MYO3B: variants seen among roughly 807,000 people sequenced by gnomAD.
The protein encoded by MYO3B is myosin-IIIb.
A neutral mutation model predicts 174.6 loss-of-function variants in MYO3B; 156 were observed. The ratio of observed to expected loss-of-function variants is 0.89; its 90% CI spans 0.78 to 1.02. MYO3B has a LOEUF of 1.02. Among genes scored for constraint, MYO3B ranks in the 50% least tolerant of loss-of-function variants. The pLI is 0.00. For missense variants in MYO3B, 1,632 were observed against 1,639.4 expected (o/e 1.00, Z 0.08); for synonymous variants, 563 against 569.1 (o/e 0.99, Z 0.15).
At chr2:170,239,689 TAC>T (rs1553569031) in intron 7 of MYO3B, among the ~76,000 whole-genome samples, 1 of 152,182 alleles carries the variant, frequency 6.6e-6, no homozygotes, top group Non-Finnish European at 1.5e-5. Context: ...TTCCCTGCAG[TAC>T]ACAATTCAAA....
chr2:170,252,752 C>A (rs1156945636), intron 7 of MYO3B, among the ~76,000 whole-genome samples: 1 of 152,062 alleles, frequency 6.6e-6, no homozygotes, highest in African/African-American at 2.4e-5. Flanking sequence ...ATATAATGTG[C>A]TGAGAGAAGG....
intron 1 of MYO3B, 68 bp from the exon 2 acceptor site, chr2:170,199,140 T>G: frequency 2.7e-6 from 3 of 1,094,634 alleles, no homozygotes; most frequent in Non-Finnish European, 3.8e-6. Context: ...AAAAATCTTT[T>G]TGTTTCAAAA....
chr2:170,488,469 G>GT (rs1188290474), intron 25 of MYO3B, among the ~76,000 whole-genome samples: 2 of 151,258 alleles, frequency 1.3e-5, no homozygotes, highest in Admixed American at 1.3e-4. Context: ...TCTTTCCCTT[G>GT]TTAAAAAAAA....
chr2:170,587,770 A>G (rs1389038222), intron 32 of MYO3B, among the ~76,000 whole-genome samples: 2 of 152,226 alleles, frequency 1.3e-5, no homozygotes, highest in Non-Finnish European at 2.9e-5. Context: ...TGTTGAATTT[A>G]CTGTTAGCTG....
intron 7 of MYO3B, among the ~76,000 whole-genome samples, chr2:170,320,556 A>G (rs1559384693): frequency 1.3e-5 from 2 of 152,194 alleles, no homozygotes; most frequent in Admixed American, 6.5e-5. Flanking sequence ...TTTCATGGGC[A>G]CTTGAAAAGA....
chr2:170,337,495 G>A (rs4668242), intron 8 of MYO3B, among the ~76,000 whole-genome samples: 1 of 152,064 alleles, frequency 6.6e-6, no homozygotes, highest in South Asian at 2.1e-4. Context: ...TCAAGAGTAT[G>A]TTCGTAATCA....
intron 19 of MYO3B, among the ~76,000 whole-genome samples, chr2:170,403,800 A>G (rs555106948): frequency 6.6e-6 from 1 of 151,812 alleles, no homozygotes; most frequent in East Asian, 1.9e-4. Flanking sequence ...TCTCCCATCC[A>G]CTCTTGTTTC....
At chr2:170,492,833 G>T (rs73025039) in intron 25 of MYO3B, among the ~76,000 whole-genome samples, 1 of 152,092 alleles carries the variant, frequency 6.6e-6, no homozygotes, top group Non-Finnish European at 1.5e-5. Flanking sequence ...TATGTCCTTC[G>T]CAATCTTCTG....
chr2:170,544,135 A>G, intron 32 of MYO3B, 147 bp downstream of exon 32: 1 of 549,630 alleles, frequency 1.8e-6, no homozygotes, highest in South Asian at 2.3e-5. Context: ...TGCTGGATGT[A>G]AAACTTGTAT....
intron 32 of MYO3B, among the ~76,000 whole-genome samples, chr2:170,574,397 C>T (rs1692659140): frequency 6.6e-6 from 1 of 151,948 alleles, no homozygotes; most frequent in Non-Finnish European, 1.5e-5. Flanking sequence ...TTTCCTTTTG[C>T]CCAAGGTAAT....
chr2:170,179,117 G>T (rs2092366429), intron 1 of MYO3B, among the ~76,000 whole-genome samples: 1 of 152,084 alleles, frequency 6.6e-6, no homozygotes, highest in South Asian at 2.1e-4. Context: ...TAATGCATGG[G>T]GGGCTTAATA....
chr2:170,650,247 G>C (rs1698902400), intron 32 of MYO3B, among the ~76,000 whole-genome samples: 1 of 151,704 alleles, frequency 6.6e-6, no homozygotes. Flanking sequence ...TGGCCAGGCT[G>C]GGTTCTGATA....
intron 25 of MYO3B, among the ~76,000 whole-genome samples, chr2:170,467,815 CAAA>C (rs33945733): frequency 9.1e-6 from 1 of 110,392 alleles, no homozygotes; most frequent in Non-Finnish European, 1.8e-5. Flanking sequence ...AAAGATAAGG[CAAA>C]AAAAAAAAAA....
intron 25 of MYO3B, among the ~76,000 whole-genome samples, chr2:170,474,781 A>AAAAAAAAAAAAAAAAAAAAAAC (rs1685219534): frequency 7.4e-6 from 1 of 135,762 alleles, no homozygotes; most frequent in Admixed American, 7.5e-5. Context: ...AAAAAAAAAA[A>AAAAAAAAAAAAAAAAAAAAAAC]AAAGATAGGC....
intron 12 of MYO3B, among the ~76,000 whole-genome samples, chr2:170,384,901 A>C (rs1213773989): frequency 6.6e-6 from 1 of 152,190 alleles, no homozygotes; most frequent in African/African-American, 2.4e-5. Flanking sequence ...TTCCCACTTT[A>C]GATGCCAGCT....
rs193079113 is a variant in MYO3B, at chr2:170,416,418, G to A, written c.2650+8574G>A. 6.5e-3 allele frequency among the ~76,000 whole-genome samples: 987 copies of A among 150,756 alleles called. 8 individuals are homozygous for A. The highest frequency in any genetic ancestry group is 0.026 in the South Asian group (118 of 4,576). On this transcript the variant is annotated intron_variant, in intron 22 of 34. Transcript: ENST00000408978. ...GCACGCCTGCAATCCCAGCTACTTG[G>A]GAGGCTGAGGTAGGAGAATCACTTG...
intron 9 of MYO3B, among the ~76,000 whole-genome samples, chr2:170,370,781 TG>T (rs2094236681): frequency 6.6e-6 from 1 of 152,230 alleles, no homozygotes; most frequent in East Asian, 1.9e-4. Context: ...ATCTCCTCCT[TG>T]TCTCCCTGTT....
intron 6 of MYO3B, among the ~76,000 whole-genome samples, chr2:170,224,834 T>A (rs1056248393): frequency 1.3e-5 from 2 of 152,210 alleles, no homozygotes; most frequent in African/African-American, 4.8e-5. Context: ...TCTCTCTGCC[T>A]GGCAAAGGGT....
At chr2:170,202,281 A>G (rs1339994575) in intron 3 of MYO3B, among the ~76,000 whole-genome samples, 1 of 152,218 alleles carries the variant, frequency 6.6e-6, no homozygotes, top group Non-Finnish European at 1.5e-5. Flanking sequence ...ATATGCTGTC[A>G]TTTATGACTT....
Sources: allele counts gnomAD v4.1 joint callset (sites outside exome capture counted in the v4.1 genomes callset), GRCh38; gene constraint gnomAD v4.1.1; transcripts MANE v1.5; gene names NCBI Gene and HGNC (gene_info 2026-07-23, HGNC 2026-07-21).